Variants in FER observed in about 807,000 individuals in gnomAD.
FER encodes FER tyrosine kinase.
A neutral mutation model predicts 111.0 loss-of-function variants in FER; 63 were observed. The ratio of observed to expected loss-of-function variants is 0.57; its 90% CI spans 0.46 to 0.70. The LOEUF is 0.70. Ranked by LOEUF, FER falls within the 30% of genes least tolerant of loss-of-function variation. FER has a pLI of 0.00. For synonymous variants in FER, 327 were observed against 313.9 expected, an observed-to-expected ratio of 1.04 and a Z score of -0.44; for missense variants, 914 against 954.0, an observed-to-expected ratio of 0.96 and a Z score of 0.55.
chr5:109,016,194 C>A (rs886721445), intron 13 of FER, among the ~76,000 whole-genome samples: 1 of 151,966 alleles, frequency 6.6e-6, no homozygotes, highest in Non-Finnish European at 1.5e-5. Context: ...TCTACAAGAT[C>A]TTTATGTATT....
chr5:108,810,719 G>A (rs1299113948), intron 3 of FER, among the ~76,000 whole-genome samples: 1 of 151,860 alleles, frequency 6.6e-6, no homozygotes, highest in South Asian at 2.1e-4. Context: ...ATCTGCTTTG[G>A]TGTTGAGCAG....
intron 2 of FER, among the ~76,000 whole-genome samples, chr5:108,779,761 C>T (rs547221127): frequency 7.2e-5 from 11 of 152,144 alleles, no homozygotes; most frequent in South Asian, 2.1e-4. Flanking sequence ...TTATTTTTTC[C>T]GATCAGTACA....
At chr5:109,014,993 T>G (rs1366660084) in intron 13 of FER, 1 of 152,114 alleles carries the variant, frequency 6.6e-6, no homozygotes, top group Non-Finnish European at 1.5e-5. Flanking sequence ...TAAAGACTGT[T>G]TTGTTCTAAA....
intron 13 of FER, among the ~76,000 whole-genome samples, chr5:108,967,357 T>G (rs148585397): frequency 4.6e-5 from 7 of 152,230 alleles, no homozygotes; most frequent in African/African-American, 1.7e-4. Context: ...TGTGGCTAAG[T>G]CTGGGACTTC....
At chr5:108,749,372 C>T (rs1265293154) in intron 1 of FER, among the ~76,000 whole-genome samples, 2 of 151,988 alleles carry the variant, frequency 1.3e-5, no homozygotes, top group Non-Finnish European at 2.9e-5. Flanking sequence ...GTGGCTCCGC[C>T]CCGTCGCGGG....
chr5:108,924,343 A>G (rs1753439393), intron 10 of FER, among the ~76,000 whole-genome samples: 1 of 144,652 alleles, frequency 6.9e-6, no homozygotes, highest in Non-Finnish European at 1.5e-5. Flanking sequence ...CTGGGCGACA[A>G]GAGCGAAACT....
At chr5:108,876,086 A>C (rs934466599) in intron 8 of FER, among the ~76,000 whole-genome samples, 1 of 152,200 alleles carries the variant, frequency 6.6e-6, no homozygotes, top group African/African-American at 2.4e-5. Context: ...TATGTGGAAA[A>C]GTGATTGTCT....
chr5:108,818,826 C>T (rs1758540833), intron 3 of FER, among the ~76,000 whole-genome samples: 1 of 152,100 alleles, frequency 6.6e-6, no homozygotes, highest in Admixed American at 6.5e-5. Flanking sequence ...GAGTGACTCA[C>T]CAATCTTGCC....
At chr5:109,151,953 G>C (rs1044544237) in intron 17 of FER, among the ~76,000 whole-genome samples, 6 of 152,064 alleles carry the variant, frequency 3.9e-5, no homozygotes, top group Non-Finnish European at 5.9e-5. Context: ...CCTGTTCTTA[G>C]GATCAATGCA....
chr5:109,084,291 T>C (rs970201977), intron 16 of FER, among the ~76,000 whole-genome samples: 2 of 152,034 alleles, frequency 1.3e-5, no homozygotes, highest in African/African-American at 4.8e-5. Context: ...ACATCTTCTT[T>C]TTGAAGTTCC....
intron 3 of FER, among the ~76,000 whole-genome samples, chr5:108,817,103 C>CAAAAAAAAAAAAAAA (rs70999913): frequency 1.2e-4 from 7 of 59,202 alleles, no homozygotes; most frequent in African/African-American, 1.3e-4. Context: ...GACACTGTCT[C>CAAAAAAAAAAAAAAA]AAAAAAAAAA....
At chr5:108,799,569 A>G (rs1300384924) in intron 3 of FER, among the ~76,000 whole-genome samples, 1 of 152,224 alleles carries the variant, frequency 6.6e-6, no homozygotes, top group Non-Finnish European at 1.5e-5. Flanking sequence ...ACAGGACACC[A>G]TTTGAATTTG....
chr5:109,158,395 A>C (rs9326763), intron 17 of FER, among the ~76,000 whole-genome samples: 57,321 of 151,696 alleles, frequency 0.38, 11,053 homozygotes, highest in Non-Finnish European at 0.4. Context: ...AGAGTGAGAC[A>C]CTGTCTCAAA....
intron 1 of FER, chr5:108,748,644 C>T (rs553391360): frequency 9.8e-5 from 15 of 152,354 alleles, no homozygotes; most frequent in African/African-American, 2.9e-4. Flanking sequence ...GTGAGCGAGC[C>T]CAGAAAGCGG....
chr5:109,179,758 G>A (rs1758091061), intron 17 of FER, among the ~76,000 whole-genome samples: 1 of 149,476 alleles, frequency 6.7e-6, no homozygotes, highest in Admixed American at 6.6e-5. Flanking sequence ...AAAGTATATA[G>A]GATCATGTGC....
At chr5:109,049,561 C>G (rs1561826336) in intron 16 of FER, among the ~76,000 whole-genome samples, 1 of 152,034 alleles carries the variant, frequency 6.6e-6, no homozygotes. Flanking sequence ...CTAAAGAATA[C>G]TCTCTACTTT....
intron 13 of FER, among the ~76,000 whole-genome samples, chr5:108,974,580 A>T (rs1235604620): frequency 8.5e-5 from 13 of 152,218 alleles, no homozygotes; most frequent in Admixed American, 8.5e-4. Context: ...GCATCTGTGA[A>T]TAGGTTCCAT....
chr5:108,929,681 A>G (rs1754291961), intron 10 of FER, among the ~76,000 whole-genome samples: 1 of 152,118 alleles, frequency 6.6e-6, no homozygotes, highest in Non-Finnish European at 1.5e-5. Flanking sequence ...TTTTCTGTGA[A>G]TGAAGGGAGT....
chr5:108,952,068 A>G (rs1757826492), intron 11 of FER, among the ~76,000 whole-genome samples: 1 of 152,140 alleles, frequency 6.6e-6, no homozygotes, highest in Non-Finnish European at 1.5e-5. Flanking sequence ...AACTAATAAG[A>G]CAGCTAACCC....
Sources: allele counts gnomAD v4.1 joint callset (sites outside exome capture counted in the v4.1 genomes callset), GRCh38; gene constraint gnomAD v4.1.1; transcripts MANE v1.5; gene names NCBI Gene and HGNC (gene_info 2026-07-23, HGNC 2026-07-21).